Variants in C1GALT1C1 observed in about 807,000 individuals in gnomAD.
C1GALT1C1 encodes the protein C1GALT1-specific chaperone 1.
For missense variants in C1GALT1C1, 176 were observed against 234.7 expected (o/e 0.75, Z 1.63); for synonymous variants, 77 against 77.9 (o/e 0.99, Z 0.06).
intron 1 of C1GALT1C1, among the ~76,000 whole-genome samples, 183 bp downstream of exon 1, chrX:120,629,734 G>A (rs1927294455): frequency 8.9e-6 from 1 of 111,905 alleles, no homozygotes; most frequent in Non-Finnish European, 1.9e-5. Flanking sequence ...ATCCCTCTGA[G>A]GGACCAAGAG....
At chrX:120,629,240 AAAAGAAAG>A (rs771887702) in intron 1 of C1GALT1C1, among the ~76,000 whole-genome samples, 2 of 110,527 alleles carry the variant, frequency 1.8e-5, no homozygotes, top group Non-Finnish European at 3.8e-5. Context: ...TCAAAAAAAA[AAAAGAAAG>A]AAAGAAAGAA....
chrX:120,627,777 A>G (rs1432910705), intron 1 of C1GALT1C1, among the ~76,000 whole-genome samples: 1 of 112,179 alleles, frequency 8.9e-6, no homozygotes, highest in African/African-American at 3.2e-5. Flanking sequence ...ACAGTATCCC[A>G]ACTATTGATG....
Position 120,626,996 on chromosome X carries a change from C to T in C1GALT1C1, c.171G>A (p.Glu57=), listed in dbSNP as rs1927199340. Residue 57 remains glutamate (E), a synonymous_variant, in exon 2 of 2, where the codon GAG becomes GAA. Coordinates refer to ENST00000304661, the MANE Select transcript of C1GALT1C1 (RefSeq NM_001011551.3). Reference sequence around the variant, plus strand: ...TCTTACTGAGCTCCATGCGCTCATCCTCTGAAATTTTCAAGATATCTTCTT... The same window carrying T: ...TCTTACTGAGCTCCATGCGCTCATCTTCTGAAATTTTCAAGATATCTTCTT... ...PNKEDILKIS[E]DERMELSKSF... is the part of the protein sequence containing the mutation. The T allele has an allele frequency of 8.3e-7, 1 of 1,208,995 alleles. No homozygotes were observed. The highest frequency in any genetic ancestry group is 2.2e-5 in the Admixed American group (1 of 45,548).
Position 120,626,502 on chromosome X carries a change from T to C in C1GALT1C1, c.665A>G (p.Gln222Arg), listed in dbSNP as rs1339974230. The part of the protein sequence containing the change: ...GMIWKISEDK[Q>R]LAVCLKYAGV... ...AGCATATTTCAGGCAAACTGCTAGC[T>C]GTTTATCTTCAGATATCTTCCAAAT... is the stretch of plus-strand genomic sequence containing the variant. The change falls in exon 2 of 2, where the codon CAG becomes CGG. Residue 222 changes from glutamine to arginine, a missense_variant. Physicochemically the swap from Gln to Arg is conservative, Grantham distance 43 (BLOSUM62 1). Transcript: ENST00000304661. 2 of 1,212,231 alleles carry C rather than the reference T, an allele frequency of 1.6e-6. No individual in the cohort carries two copies. The highest frequency in any genetic ancestry group is 2.2e-5 in the Admixed American group (1 of 46,086).
At chrX:120,628,171 C>T (rs1208382049) in intron 1 of C1GALT1C1, among the ~76,000 whole-genome samples, 2 of 111,622 alleles carry the variant, frequency 1.8e-5, no homozygotes, top group African/African-American at 3.3e-5. Flanking sequence ...ACTTGGGAAG[C>T]GGAGGCTGTA....
chrX:120,629,593 C>T (rs894045064), intron 1 of C1GALT1C1, among the ~76,000 whole-genome samples: 1 of 111,857 alleles, frequency 8.9e-6, no homozygotes, highest in East Asian at 2.8e-4. Context: ...TGCACACGAG[C>T]ACAAATGAAA....
chrX:120,626,776 C>T lies in C1GALT1C1; in HGVS notation c.391G>A (p.Asp131Asn), dbSNP rs191459785. ...MMRKAYKYAF[D>N]KYRDQYNWFF... The stretch of plus-strand genomic sequence containing the variant: ...CAGTTGTATTGGTCTCTATACTTAT[C>T]AAAGGCGTATTTGTAAGCTTTTCTC... The change falls in exon 2 of 2, where the codon GAT becomes AAT. Residue 131 changes from aspartate to asparagine, a missense_variant. Transcript: ENST00000304661. 5.0e-6 allele frequency: 6 copies of T among 1,208,582 alleles called. No individual in the cohort carries two copies. The highest frequency in any genetic ancestry group is 2.3e-4 in the Middle Eastern group (1 of 4,337).
rs1167107515 is a variant in C1GALT1C1, at chrX:120,627,100, T to C, written c.67A>G (p.Thr23Ala). Residue 23 changes from threonine (T) to alanine (A), a missense_variant, in exon 2 of 2, where the codon ACT (threonine) becomes GCT (alanine). Physicochemically the swap from Thr to Ala is moderately conservative, Grantham distance 58 (BLOSUM62 0). Transcript: ENST00000304661. ...MLGSIFCALITMLGHIRIGHG... is the reference protein window; with the variant it reads ...MLGSIFCALIAMLGHIRIGHG... ...CCAATCCTAATGTGTCCTAGCATAGTGATCAAAGCACAGAAAATGCTTCCA... is the reference window on the plus strand; with the variant it reads ...CCAATCCTAATGTGTCCTAGCATAGCGATCAAAGCACAGAAAATGCTTCCA... 1 of 1,183,222 alleles carries C rather than the reference T, an allele frequency of 8.5e-7. No individual in the cohort carries two copies. Among genetic ancestry groups the C allele is most frequent in the African/African-American group, 1.7e-5 (1 of 57,169 alleles).
chrX:120,626,672 C>T lies in C1GALT1C1; in HGVS notation c.495G>A (p.Gln165=), dbSNP rs1197877284. The change falls in exon 2 of 2, where the codon CAG becomes CAA. Residue 165 remains glutamine (Q), a synonymous_variant. Coordinates refer to ENST00000304661, the MANE Select transcript of C1GALT1C1 (RefSeq NM_001011551.3). ...TTATAGTGTGGCCTAGATAGAAAGG[C>T]TGTGATGGATCCTTTTTTAACAAAA... ...KYFLLKKDPS[Q]PFYLGHTIKS... The T allele has an allele frequency of 8.3e-7, 1 of 1,210,563 alleles. No homozygotes were observed. The highest frequency in any genetic ancestry group is 3.0e-5 in the East Asian group (1 of 33,840).
In C1GALT1C1 at chrX:120,625,952, A is replaced by G. The variant is rs1927155468; in HGVS notation, c.*258T>C. ...TAATTTAGAATTTATCACATATAAT[A>G]TTTATTAATAGTTTATTTGCAAAAT... On this transcript the variant is annotated 3_prime_UTR_variant, in exon 2 of 2. Transcript: ENST00000304661. The G allele has an allele frequency of 3.8e-6, 1 of 259,984 alleles. No individual in the cohort carries two copies. The highest frequency in any genetic ancestry group is 2.8e-5 in the African/African-American group (1 of 35,817). 21.4% of individuals were successfully genotyped at this position (259,984 alleles called of 1,213,427 possible). A position where few individuals can be genotyped will look rare whatever the true frequency, so the allele number is the denominator to read the frequency against.
Position 120,626,831 on chromosome X carries a change from A to T in C1GALT1C1, c.336T>A (p.Asn112Lys). The change falls in exon 2 of 2, where the codon AAT (asparagine) becomes AAA (lysine). Residue 112 changes from asparagine to lysine, a missense_variant. By Grantham distance (94) the Asn-to-Lys change is moderately conservative. Coordinates refer to ENST00000304661, the MANE Select transcript of C1GALT1C1 (RefSeq NM_001011551.3). ...SENVKVFESI[N>K]MDTNDMWLMM... ...TTAACCACATGTCATTTGTGTCCAT[A>T]TTAATTGACTCAAACACTTTAACAT... The T allele has an allele frequency of 2.5e-6, 3 of 1,210,361 alleles. No homozygotes were observed. In the South Asian group the frequency reaches 5.3e-5, roughly 21 times the overall value.
Position 120,626,780 on chromosome X carries a change from G to A in C1GALT1C1, c.387C>T (p.Ala129=). 8.3e-7 allele frequency: 1 copy of A among 1,209,953 alleles called. No homozygotes were observed. The highest frequency in any genetic ancestry group is 1.1e-6 in the Non-Finnish European group (1 of 894,336). The change falls in exon 2 of 2, where the codon GCC becomes GCT. Residue 129 remains alanine, a synonymous_variant. Transcript: ENST00000304661. ...WLMMRKAYKY[A]FDKYRDQYNW... is the part of the protein sequence containing the mutation. Reference sequence around the variant, plus strand: ...TGTATTGGTCTCTATACTTATCAAAGGCGTATTTGTAAGCTTTTCTCATCA... The same window carrying A: ...TGTATTGGTCTCTATACTTATCAAAAGCGTATTTGTAAGCTTTTCTCATCA...
In C1GALT1C1 at chrX:120,627,071, A is replaced by G. The variant is rs772296238; in HGVS notation, c.96T>C (p.His32=). ...GCTCATGGTGGTGCATTCTATTTCC[A>G]TGACCAATCCTAATGTGTCCTAGCA... ...ITMLGHIRIG[H]GNRMHHHEHH... is the part of the protein sequence containing the mutation. The change falls in exon 2 of 2, where the codon CAT becomes CAC. Residue 32 remains histidine (H), a synonymous_variant. Transcript: ENST00000304661. The G allele has an allele frequency of 2.5e-6, 3 of 1,211,171 alleles. No individual in the cohort carries two copies. Among genetic ancestry groups the G allele is most frequent in the Admixed American group, 4.3e-5 (2 of 45,988 alleles).
chrX:120,628,498 T>A (rs1036991955), intron 1 of C1GALT1C1, among the ~76,000 whole-genome samples: 6 of 112,098 alleles, frequency 5.4e-5, no homozygotes. Context: ...GTTAAATAAC[T>A]GACTCAGTCA....
In C1GALT1C1 at chrX:120,626,650, T is replaced by C. The variant is rs1314408284; in HGVS notation, c.517A>G (p.Ile173Val). The C allele has an allele frequency of 2.2e-5, 26 of 1,206,354 alleles. No individual in the cohort carries two copies. Among genetic ancestry groups the C allele is most frequent in the Non-Finnish European group, 2.9e-5 (26 of 893,389 alleles). Residue 173 changes from isoleucine to valine, a missense_variant, in exon 2 of 2, where the codon ATA (isoleucine) becomes GTA (valine). Coordinates refer to ENST00000304661, the MANE Select transcript of C1GALT1C1 (RefSeq NM_001011551.3). ...ACATATTCAAGGTCTCCAGATTTTA[T>C]AGTGTGGCCTAGATAGAAAGGCTGT... The part of the protein sequence containing the change: ...PSQPFYLGHT[I>V]KSGDLEYVGM...
rs1205446267 is a variant in C1GALT1C1 at position 120,625,959 on chromosome X, AAT to A, written c.*249_*250del. On this transcript the variant is annotated 3_prime_UTR_variant, in exon 2 of 2. Transcript: ENST00000304661. Reference sequence around the variant, plus strand: ...GAATTTATCACATATAATATTTATTAATAGTTTATTTGCAAAATTATTATTCT... The same window carrying A: ...GAATTTATCACATATAATATTTATTAAGTTTATTTGCAAAATTATTATTCT... 4.8e-5 allele frequency: 13 copies of A among 273,469 alleles called. No individual in the cohort carries two copies. Among genetic ancestry groups the A allele is most frequent in the Admixed American group, 2.9e-4 (5 of 17,439 alleles). The allele number at this position is 273,469 out of a possible 1,213,427, so 22.5% of individuals were successfully genotyped here. A position where few individuals can be genotyped will look rare whatever the true frequency, so the allele number is the denominator to read the frequency against.
intron 1 of C1GALT1C1, 59 bp from the exon 2 acceptor site, chrX:120,627,230 T>G (rs1229551473): frequency 2.3e-6 from 2 of 879,780 alleles, no homozygotes; most frequent in African/African-American, 2.0e-5. Context: ...TCTATAAATT[T>G]GATTTGGTAT....
chrX:120,626,330 A>T lies in C1GALT1C1; in HGVS notation c.837T>A (p.Asn279Lys), dbSNP rs772845587. ...CATGCATCTGATTTGGAGTCAGTCCATTAAAAGTAACAGCCATATCTGAAC... is the reference window on the plus strand; with the variant it reads ...CATGCATCTGATTTGGAGTCAGTCCTTTAAAAGTAACAGCCATATCTGAAC... ...GCCSDMAVTF[N>K]GLTPNQMHVM... Residue 279 changes from asparagine (N) to lysine (K), a missense_variant, in exon 2 of 2, where the codon AAT becomes AAA. By Grantham distance (94) the Asn-to-Lys change is moderately conservative. Coordinates refer to ENST00000304661, the MANE Select transcript of C1GALT1C1 (RefSeq NM_001011551.3). 3 of 1,211,267 alleles carry T rather than the reference A, an allele frequency of 2.5e-6. No individual in the cohort carries two copies. In the African/African-American group the frequency reaches 5.2e-5, roughly 21 times the overall value.
At position 120,626,517 on chromosome X, in the gene C1GALT1C1, A is replaced by T. The variant is rs1029840773; in HGVS notation, c.650T>A (p.Ile217Lys). Residue 217 changes from isoleucine (I) to lysine (K), a missense_variant, in exon 2 of 2, where the codon ATA becomes AAA. Transcript: ENST00000304661. ...AACTGCTAGCTGTTTATCTTCAGAT[A>T]TCTTCCAAATCATCCCTCCCTGTTC... is the stretch of plus-strand genomic sequence containing the variant. The part of the protein sequence containing the change: ...CPEQGGMIWK[I>K]SEDKQLAVCL... The T allele has an allele frequency of 8.3e-7, 1 of 1,212,081 alleles. No homozygotes were observed. The highest frequency in any genetic ancestry group is 2.2e-5 in the Admixed American group (1 of 46,056).
Sources: allele counts gnomAD v4.1 joint callset (sites outside exome capture counted in the v4.1 genomes callset), GRCh38; gene constraint gnomAD v4.1.1; transcripts MANE v1.5; gene names NCBI Gene and HGNC (gene_info 2026-07-23, HGNC 2026-07-21).